Variants in USP42 observed in about 807,000 individuals in gnomAD.
USP42 encodes the protein ubiquitin specific peptidase 42, also known as ubiquitin carboxyl-terminal hydrolase 42.
Under a neutral mutation model 113.0 loss-of-function variants are expected in USP42, and 23 were observed. The observed-to-expected ratio is 0.20, with a 90% CI of 0.15 to 0.29. The LOEUF is 0.29. Ranked by LOEUF, USP42 falls within the 10% of genes least tolerant of loss-of-function variation. USP42 has a pLI of 1.00. For missense variants in USP42, 2,174 were observed against 1,779.8 expected (o/e 1.22, Z -3.99); for synonymous variants, 933 against 699.0 (o/e 1.33, Z -5.28).
intron 2 of USP42, among the ~76,000 whole-genome samples, chr7:6,112,172 A>G (rs1779630818): frequency 1.3e-5 from 2 of 152,112 alleles, no homozygotes; most frequent in South Asian, 4.2e-4. Context: ...CAGATAGGCT[A>G]GGCATGGTGG....
At position 6,158,683 on chromosome 7, in the gene USP42, G is replaced by C. The variant is rs749239250; in HGVS notation, c.3944-767G>C. Among the ~76,000 whole-genome samples the C allele has an allele frequency of 2.6e-5, 4 of 152,222 alleles. No homozygotes were observed. The highest frequency in any genetic ancestry group is 5.9e-5 in the Non-Finnish European group (4 of 68,046). ...CGGGTTGCCTGCGGGCCTTGTAGACGTTCTGGACATTTCAGAATTGGTTTT... is the reference window on the plus strand; with the variant it reads ...CGGGTTGCCTGCGGGCCTTGTAGACCTTCTGGACATTTCAGAATTGGTTTT... On this transcript the variant is annotated intron_variant, in intron 16 of 17. Coordinates refer to ENST00000306177, the MANE Select transcript of USP42 (RefSeq NM_032172.3). This position sits in a 1 kb window ranked among gnomAD's most constrained non-coding sequence, Gnocchi z 4.2.
chr7:6,088,218 T>C, the USP42 span, among the ~76,000 whole-genome samples: 3 of 151,294 alleles, frequency 2.0e-5, 1 homozygote, highest in African/African-American at 4.9e-5. Context: ...AGACCCTGTC[T>C]CTAAAACATA....
chr7:6,154,554 C>T lies in USP42; in HGVS notation c.3000C>T (p.Pro1000=), dbSNP rs1022516416. 5 of 1,548,282 alleles carry T rather than the reference C, an allele frequency of 3.2e-6. No homozygotes were observed. Among genetic ancestry groups the T allele is most frequent in the Non-Finnish European group, 3.5e-6 (4 of 1,148,502 alleles). The stretch of plus-strand genomic sequence containing the variant: ...ACCGCCACGCCCCGGAGCACCACCC[C>T]GGCCACGGCGACAGGCTCAGCCCTG... The part of the protein sequence containing the change: ...RQDRHAPEHH[P]GHGDRLSPGE... The change falls in exon 15 of 18, where the codon CCC becomes CCT. Residue 1000 remains proline, a synonymous_variant. Transcript: ENST00000306177.
At position 6,157,318 on chromosome 7, in the gene USP42, A is replaced by G; in HGVS notation, c.3943+263A>G. ...CTACCTGTGTCACCAAAGCCCTGGA[A>G]CGTACAGCTCTAGGCATCTGACTTT... On this transcript the variant is annotated intron_variant, in intron 16 of 17. Transcript: ENST00000306177. This position sits in a 1 kb window ranked among gnomAD's most constrained non-coding sequence, Gnocchi z 4.1. The G allele has an allele frequency of 8.7e-7, 1 of 1,151,524 alleles. No homozygotes were observed. The highest frequency in any genetic ancestry group is 1.1e-6 in the Non-Finnish European group (1 of 937,584). The allele number at this position is 1,151,524 out of a possible 1,614,324, so 71.3% of individuals were successfully genotyped here.
At chr7:6,083,223 CTTAT>C in the USP42 span, among the ~76,000 whole-genome samples, 13,180 of 130,622 alleles carry the variant, frequency 0.1, 881 homozygotes, top group East Asian at 0.23. Context: ...CCGCACCCAG[CTTAT>C]TTATTTATTT....
intron 3 of USP42, chr7:6,116,572 C>T: frequency 9.8e-6 from 3 of 306,526 alleles, no homozygotes; most frequent in South Asian, 2.8e-5. Context: ...TCCTTGGTTT[C>T]TTTTTGAATA....
At chr7:6,145,736 G>C (rs966164424) in intron 10 of USP42, 80 bp downstream of exon 10, 1 of 1,477,838 alleles carries the variant, frequency 6.8e-7, no homozygotes, top group African/African-American at 1.4e-5. Flanking sequence ...GTAGGGAGAG[G>C]TGGAACTTTT....
At chr7:6,126,789 G>A (rs921310592) in intron 3 of USP42, among the ~76,000 whole-genome samples, 2 of 152,262 alleles carry the variant, frequency 1.3e-5, no homozygotes, top group African/African-American at 4.8e-5. Context: ...CATCCAGGTT[G>A]TTACTAGTTT....
chr7:6,107,775 A>G (rs1352350856), intron 1 of USP42, among the ~76,000 whole-genome samples: 1 of 151,908 alleles, frequency 6.6e-6, no homozygotes, highest in South Asian at 2.1e-4. Context: ...TCTTTTAACT[A>G]TTAGATGAGG....
intron 10 of USP42, 138 bp downstream of exon 10, chr7:6,145,794 G>A: frequency 9.7e-7 from 1 of 1,030,784 alleles, no homozygotes; most frequent in South Asian, 1.6e-5. Context: ...TCTTGGCCGG[G>A]CGCAGTGGCT....
chr7:6,082,841 G>C, the USP42 span, among the ~76,000 whole-genome samples: 5 of 149,546 alleles, frequency 3.3e-5, no homozygotes, highest in Admixed American at 2.6e-4. Flanking sequence ...GAACTCCTGA[G>C]CTCAGGCAGT....
In USP42 at chr7:6,149,621, C is replaced by T; in HGVS notation, c.1425C>T (p.Asp475=). ...PHLNGTGPLK[D]TPSSSMSSPN... ...TAAATGGGACTGGACCATTGAAAGACACGCCAAGCAGTTCCATGTCGAGTC... is the reference window on the plus strand; with the variant it reads ...TAAATGGGACTGGACCATTGAAAGATACGCCAAGCAGTTCCATGTCGAGTC... The change falls in exon 13 of 18, where the codon GAC becomes GAT. Residue 475 remains aspartate, a synonymous_variant. Transcript: ENST00000306177. 6.2e-7 allele frequency: 1 copy of T among 1,613,906 alleles called. No homozygotes were observed. The highest frequency in any genetic ancestry group is 8.5e-7 in the Non-Finnish European group (1 of 1,179,856).
At chr7:6,144,784 C>T (rs1008539926) in intron 9 of USP42, among the ~76,000 whole-genome samples, 1 of 151,644 alleles carries the variant, frequency 6.6e-6, no homozygotes, top group Non-Finnish European at 1.5e-5. Flanking sequence ...GCAGGAGAAT[C>T]GCTTGAACCT....
At chr7:6,141,274 C>G (rs1355774546) in intron 7 of USP42, among the ~76,000 whole-genome samples, 1 of 144,682 alleles carries the variant, frequency 6.9e-6, no homozygotes, top group Admixed American at 7.0e-5. Context: ...GTGATCTCGG[C>G]TCACTGCAAC....
the USP42 span, among the ~76,000 whole-genome samples, chr7:6,090,453 A>G: frequency 2.1e-5 from 3 of 144,544 alleles, 1 homozygote; most frequent in African/African-American, 7.8e-5. Flanking sequence ...AGTGGCTCAC[A>G]CCTCTAATCC....
At position 6,161,033 on chromosome 7, in the gene USP42, TTTGC is replaced by T. The variant is rs1782748211; in HGVS notation, c.*518_*521del. On this transcript the variant is annotated 3_prime_UTR_variant, in exon 18 of 18. Coordinates refer to ENST00000306177, the MANE Select transcript of USP42 (RefSeq NM_032172.3). ...TGTAATGTCTGATACTAGAAACTAA[TTTGC>T]TTATTTTAGTTGTATTCAAGATTTG... is the stretch of plus-strand genomic sequence containing the variant. 1 of 152,674 alleles carries T rather than the reference TTTGC, an allele frequency of 6.5e-6. No individual in the cohort carries two copies. Among genetic ancestry groups the T allele is most frequent in the Non-Finnish European group, 1.5e-5 (1 of 68,046 alleles). The allele number at this position is 152,674 out of a possible 1,614,324, so 9.5% of individuals were successfully genotyped here.
chr7:6,146,127 T>C, intron 10 of USP42, 21 bp from the exon 11 acceptor site: 2 of 1,470,312 alleles, frequency 1.4e-6, no homozygotes, highest in Admixed American at 2.1e-5. Flanking sequence ...ATCTCTCTCT[T>C]TTATTGGCTC....
chr7:6,092,027 TTCTTC>T, the USP42 span, among the ~76,000 whole-genome samples: 1 of 110,548 alleles, frequency 9.0e-6, no homozygotes, highest in South Asian at 3.0e-4. Flanking sequence ...CTTCTTCTTC[TTCTTC>T]TTCTTCTTCT....
upstream of USP42, among the ~76,000 whole-genome samples, chr7:6,101,924 CA>C (rs113530488): frequency 3.9e-3 from 522 of 134,172 alleles, 13 homozygotes; most frequent in African/African-American, 6.8e-3. Context: ...ACTAAAACTA[CA>C]AAAAAAAAAA....
Sources: gnomAD v4.1 joint callset for allele counts (sites outside exome capture counted in the v4.1 genomes callset) on GRCh38, gnomAD v4.1.1 for gene constraint, Gnocchi (gnomAD v3.1) non-coding constraint, MANE v1.5 for transcripts, NCBI Gene and HGNC (gene_info 2026-07-23, HGNC 2026-07-21) for gene names.